Variants in TENM3 observed in about 807,000 individuals in gnomAD.
The protein encoded by TENM3 is teneurin transmembrane protein 3.
A neutral mutation model predicts 255.1 loss-of-function variants in TENM3; 63 were observed. That is an observed-to-expected ratio of 0.25 (90% CI 0.20 to 0.30). The LOEUF is 0.30. Ranked by LOEUF, TENM3 falls within the 10% of genes least tolerant of loss-of-function variation. The probability of loss-of-function intolerance (pLI) is 1.00; values close to 1 mark genes in which losing one functional copy is unlikely to be tolerated. For missense variants in TENM3, 2,929 were observed against 3,461.1 expected (o/e 0.85, Z 3.86); for synonymous variants, 1,306 against 1,322.3 (o/e 0.99, Z 0.27).
chr4:181,566,523 T>C, the TENM3 span, among the ~76,000 whole-genome samples: 7 of 152,238 alleles, frequency 4.6e-5, no homozygotes, highest in South Asian at 1.0e-3. Context: ...CAGTTTGAGA[T>C]TTTCCTCTTT....
At chr4:182,450,428 G>A (rs1773358924) in intron 3 of TENM3, among the ~76,000 whole-genome samples, 4 of 151,950 alleles carry the variant, frequency 2.6e-5, no homozygotes, top group African/African-American at 4.8e-5. Context: ...CGGACTCCCA[G>A]GTATTAAAAT....
At chr4:182,158,287 A>C (rs1246037229) in intron 1 of TENM3, among the ~76,000 whole-genome samples, 1 of 152,232 alleles carries the variant, frequency 6.6e-6, no homozygotes, top group Non-Finnish European at 1.5e-5. Flanking sequence ...GGGGTAATAA[A>C]AAACACACAA....
At chr4:182,082,089 G>A in the TENM3 span, among the ~76,000 whole-genome samples, 3 of 152,162 alleles carry the variant, frequency 2.0e-5, no homozygotes, top group African/African-American at 7.2e-5. Flanking sequence ...GTTCATTCAA[G>A]CTGCTACAAC....
At chr4:181,542,583 A>G in the TENM3 span, among the ~76,000 whole-genome samples, 1 of 152,212 alleles carries the variant, frequency 6.6e-6, no homozygotes, top group South Asian at 2.1e-4. Context: ...ACATGTATTT[A>G]AAACTAACGC....
chr4:181,974,917 T>C, the TENM3 span, among the ~76,000 whole-genome samples: 1 of 152,254 alleles, frequency 6.6e-6, no homozygotes, highest in South Asian at 2.1e-4. Context: ...CGATAGGTAA[T>C]TTTTCAAACC....
the TENM3 span, among the ~76,000 whole-genome samples, chr4:181,656,639 G>A: frequency 6.6e-6 from 1 of 152,140 alleles, no homozygotes; most frequent in Non-Finnish European, 1.5e-5. Context: ...ATGTTTAGGA[G>A]ACAACAAGGA....
At chr4:182,043,274 G>A in the TENM3 span, among the ~76,000 whole-genome samples, 2 of 152,142 alleles carry the variant, frequency 1.3e-5, no homozygotes, top group African/African-American at 4.8e-5. Context: ...TCTGTCTTCC[G>A]TTGATCTCAA....
At chr4:182,135,988 G>C in the TENM3 span, among the ~76,000 whole-genome samples, 2 of 152,186 alleles carry the variant, frequency 1.3e-5, no homozygotes, top group Non-Finnish European at 2.9e-5. Flanking sequence ...AAATACCACA[G>C]TTTAATGCTT....
At chr4:181,625,693 A>G in the TENM3 span, among the ~76,000 whole-genome samples, 1 of 152,086 alleles carries the variant, frequency 6.6e-6, no homozygotes. Context: ...AGGCGCCTGT[A>G]GTCCCAGCCA....
the TENM3 span, among the ~76,000 whole-genome samples, chr4:181,896,325 T>C: frequency 7.9e-5 from 12 of 152,206 alleles, no homozygotes; most frequent in Admixed American, 7.9e-4. Flanking sequence ...TTCCATTCTG[T>C]TGCCTATGAA....
At chr4:181,879,296 A>G in the TENM3 span, among the ~76,000 whole-genome samples, 1 of 152,086 alleles carries the variant, frequency 6.6e-6, no homozygotes, top group Non-Finnish European at 1.5e-5. Flanking sequence ...AGGGAGAGAA[A>G]GTAGAGAGAG....
the TENM3 span, among the ~76,000 whole-genome samples, chr4:181,495,098 A>G: frequency 1.3e-5 from 2 of 152,176 alleles, no homozygotes; most frequent in African/African-American, 4.8e-5. Flanking sequence ...AAATCAATAT[A>G]GACATAGATA....
chr4:181,918,834 G>C, the TENM3 span, among the ~76,000 whole-genome samples: 1 of 152,060 alleles, frequency 6.6e-6, no homozygotes, highest in Non-Finnish European at 1.5e-5. Flanking sequence ...CAAAGAAAAA[G>C]TATCAGAAAT....
the TENM3 span, among the ~76,000 whole-genome samples, chr4:182,065,610 G>A: frequency 2.0e-5 from 3 of 152,084 alleles, no homozygotes; most frequent in African/African-American, 7.2e-5. Context: ...CCTCCCACCC[G>A]GCCCCTCCTC....
rs141968345 is a variant in TENM3 at position 182,228,358 on chromosome 4, ATGTGTGTGTG to A, written c.-76+83630_-76+83639del. Among the ~76,000 whole-genome samples the A allele has an allele frequency of 2.4e-4, 26 of 109,110 alleles. 6 individuals carry two copies. Among genetic ancestry groups the A allele is most frequent in the Non-Finnish European group, 3.9e-5 (2 of 51,440 alleles). 71.6% of individuals were successfully genotyped at this position (109,110 alleles called of 152,430 possible). A position where few individuals can be genotyped will look rare whatever the true frequency, so the allele number is the denominator to read the frequency against. On this transcript the variant is annotated intron_variant, in intron 1 of 2. Transcript: ENST00000512480. The stretch of plus-strand genomic sequence containing the variant: ...CCTTAAATATATATAATGTAATGTA[ATGTGTGTGTG>A]TGTGTGTGTGTGTGTGTGTGTGTGT...
At chr4:181,728,330 A>G in the TENM3 span, among the ~76,000 whole-genome samples, 6 of 152,210 alleles carry the variant, frequency 3.9e-5, no homozygotes, top group Non-Finnish European at 8.8e-5. Context: ...GAAAGCGGTT[A>G]AGAAAGTAAA....
chr4:182,764,829 CAG>C (rs1763542863), intron 22 of TENM3, among the ~76,000 whole-genome samples: 1 of 152,078 alleles, frequency 6.6e-6, no homozygotes, highest in Non-Finnish European at 1.5e-5. Context: ...AGGAGTTTAA[CAG>C]GGACAGCAAC....
the TENM3 span, among the ~76,000 whole-genome samples, chr4:182,107,944 C>T: frequency 1.3e-5 from 2 of 152,060 alleles, no homozygotes; most frequent in African/African-American, 4.8e-5. Flanking sequence ...TTTCAAGGAG[C>T]GTAAATCAAG....
At chr4:181,843,047 C>T in the TENM3 span, among the ~76,000 whole-genome samples, 2 of 152,138 alleles carry the variant, frequency 1.3e-5, no homozygotes, top group Admixed American at 6.5e-5. Context: ...TAGGTGAACT[C>T]GTTATTATAT....
Sources: allele counts gnomAD v4.1 joint callset (sites outside exome capture counted in the v4.1 genomes callset), GRCh38; gene constraint gnomAD v4.1.1; transcripts MANE v1.5; gene names NCBI Gene and HGNC (gene_info 2026-07-23, HGNC 2026-07-21).